CWC27: variants seen among roughly 807,000 people sequenced by gnomAD.
The protein encoded by CWC27 is spliceosome-associated protein CWC27 homolog.
In CWC27, 47 loss-of-function variants were observed where a neutral mutation model predicts 63.6. The ratio of observed to expected loss-of-function variants is 0.74; its 90% confidence interval spans 0.58 to 0.94. The LOEUF is 0.94. Ranked by LOEUF, CWC27 falls within the 40% of genes least tolerant of loss-of-function variation. The probability of loss-of-function intolerance (pLI) is 0.00; values close to 1 mark genes in which losing one functional copy is unlikely to be tolerated. For synonymous variants in CWC27, 175 were observed against 179.8 expected, an observed-to-expected ratio of 0.97 and a Z score of 0.22; for missense variants, 495 against 554.3, an observed-to-expected ratio of 0.89 and a Z score of 1.07.
chr5:64,800,458 T>G, intron 8 of CWC27, 131 bp downstream of exon 8: 1 of 560,746 alleles, frequency 1.8e-6, no homozygotes, highest in Non-Finnish European at 3.1e-6. Flanking sequence ...AATAAAGCAT[T>G]TTGATAACAG....
At chr5:64,924,313 T>C (rs2095366239) in intron 11 of CWC27, among the ~76,000 whole-genome samples, 2 of 152,246 alleles carry the variant, frequency 1.3e-5, no homozygotes, top group Non-Finnish European at 2.9e-5. Flanking sequence ...GTCTGTACTT[T>C]ATTGATTTCA....
At chr5:64,803,229 A>G in intron 9 of CWC27, among the ~76,000 whole-genome samples, 1 of 152,136 alleles carries the variant, frequency 6.6e-6, no homozygotes, top group East Asian at 1.9e-4. Context: ...CTGCTTCACT[A>G]CGACTCACCA....
Position 64,829,383 on chromosome 5 carries a change from A to T in CWC27, c.938+24997A>T, listed in dbSNP as rs189459906. 2.6e-3 allele frequency among the ~76,000 whole-genome samples: 400 copies of T among 152,248 alleles called. 3 individuals are homozygous for T. The highest frequency in any genetic ancestry group is 9.4e-3 in the African/African-American group (390 of 41,546). On this transcript the variant is annotated intron_variant, in intron 10 of 13. Transcript: ENST00000381070. Reference sequence around the variant, plus strand: ...TCCCTCCAGAAACAGGCTATAATTGATGTTAATTTTTCCCCAATTTGAAAA... The same window carrying T: ...TCCCTCCAGAAACAGGCTATAATTGTTGTTAATTTTTCCCCAATTTGAAAA...
chr5:64,858,592 T>G (rs1049717135), intron 10 of CWC27, among the ~76,000 whole-genome samples: 1 of 152,030 alleles, frequency 6.6e-6, no homozygotes, highest in Non-Finnish European at 1.5e-5. Flanking sequence ...GACAATGTTT[T>G]AAGTGAACAA....
chr5:65,005,653 A>G (rs1749828741), intron 13 of CWC27, among the ~76,000 whole-genome samples: 1 of 152,164 alleles, frequency 6.6e-6, no homozygotes, highest in Non-Finnish European at 1.5e-5. Context: ...TCCCTGGACA[A>G]CACACACTAG....
chr5:64,959,581 T>TA (rs1748864485), intron 11 of CWC27, among the ~76,000 whole-genome samples: 1 of 152,150 alleles, frequency 6.6e-6, no homozygotes, highest in South Asian at 2.1e-4. Flanking sequence ...GTAACTGCCT[T>TA]AAAGCTGACT....
At chr5:64,883,034 A>G (rs1437320861) in intron 10 of CWC27, among the ~76,000 whole-genome samples, 3 of 152,222 alleles carry the variant, frequency 2.0e-5, no homozygotes, top group African/African-American at 7.2e-5. Context: ...ACAGTTCTGC[A>G]TGACTGGGGA....
intron 10 of CWC27, among the ~76,000 whole-genome samples, chr5:64,825,554 T>C (rs1203952006): frequency 6.6e-6 from 1 of 152,212 alleles, no homozygotes; most frequent in Non-Finnish European, 1.5e-5. Flanking sequence ...CCTTCTGCTC[T>C]TCCCCTTTTT....
At chr5:64,945,312 C>T (rs74566184) in intron 11 of CWC27, among the ~76,000 whole-genome samples, 11,001 of 152,078 alleles carry the variant, frequency 0.072, 1,011 homozygotes, top group African/African-American at 0.21. Flanking sequence ...AATTTTTGTC[C>T]GTTTTCTTTA....
chr5:64,894,396 A>G (rs1411858561), intron 11 of CWC27, among the ~76,000 whole-genome samples: 1 of 152,186 alleles, frequency 6.6e-6, no homozygotes, highest in Non-Finnish European at 1.5e-5. Context: ...TGTAGTCTAT[A>G]TAAAGTTTTA....
intron 13 of CWC27, among the ~76,000 whole-genome samples, chr5:65,008,995 A>G (rs568993703): frequency 1.9e-4 from 26 of 136,696 alleles, no homozygotes; most frequent in Admixed American, 1.6e-3. Flanking sequence ...ATGCTGGGTA[A>G]TTTATTTAAA....
intron 13 of CWC27, among the ~76,000 whole-genome samples, chr5:64,978,941 C>T (rs976683281): frequency 6.6e-6 from 1 of 152,154 alleles, no homozygotes; most frequent in African/African-American, 2.4e-5. Context: ...CCACAGGATT[C>T]AAATTTACTT....
At chr5:64,948,668 G>A (rs1341790374) in intron 11 of CWC27, among the ~76,000 whole-genome samples, 2 of 151,966 alleles carry the variant, frequency 1.3e-5, no homozygotes, top group Admixed American at 1.3e-4. Flanking sequence ...GTCAAACAGT[G>A]TTAATAATTA....
At chr5:64,778,248 G>A (rs1446197212) in intron 2 of CWC27, among the ~76,000 whole-genome samples, 1 of 151,868 alleles carries the variant, frequency 6.6e-6, no homozygotes, top group Non-Finnish European at 1.5e-5. Context: ...GATAGTAGTT[G>A]CTTGCTTGCA....
intron 11 of CWC27, among the ~76,000 whole-genome samples, chr5:64,960,810 G>A (rs1008060629): frequency 1.3e-4 from 20 of 151,576 alleles, no homozygotes; most frequent in Middle Eastern, 3.5e-3. Flanking sequence ...AGATTGTCTC[G>A]CTATGTTGTT....
In CWC27 at chr5:64,786,703, T is replaced by G. The variant is rs1472399841; in HGVS notation, c.599+76T>G. ...ATTTAGTTTACTATATTTCCTTTTA[T>G]AGTAATTGTTTACTAGCAAAGGAGA... On this transcript the variant is annotated intron_variant, in intron 6 of 13. Coordinates refer to ENST00000381070, the MANE Select transcript of CWC27 (RefSeq NM_005869.4). 45 of 871,156 alleles carry G rather than the reference T, an allele frequency of 5.2e-5. No individual in the cohort carries two copies. The Middle Eastern group carries it at 9.7e-4, about 19-fold the overall frequency. 54.0% of individuals were successfully genotyped at this position (871,156 alleles called of 1,614,324 possible). A position where few individuals can be genotyped will look rare whatever the true frequency, so the allele number is the denominator to read the frequency against.
At chr5:64,911,295 G>A (rs1747781103) in intron 11 of CWC27, among the ~76,000 whole-genome samples, 1 of 152,152 alleles carries the variant, frequency 6.6e-6, no homozygotes, top group Non-Finnish European at 1.5e-5. Flanking sequence ...TGTAGTCACA[G>A]AGTAAAATAT....
chr5:64,849,672 G>A (rs949558277), intron 10 of CWC27, among the ~76,000 whole-genome samples: 2 of 150,414 alleles, frequency 1.3e-5, no homozygotes, highest in African/African-American at 4.9e-5. Flanking sequence ...GTCTCAAATT[G>A]TAATTCCCCC....
chr5:64,805,441 G>A (rs1744635463), intron 10 of CWC27, among the ~76,000 whole-genome samples: 1 of 151,274 alleles, frequency 6.6e-6, no homozygotes, highest in East Asian at 1.9e-4. Flanking sequence ...TAGATTCATA[G>A]AGTTGAAAAA....
Sources: gnomAD v4.1 joint callset for allele counts (sites outside exome capture counted in the v4.1 genomes callset) on GRCh38, gnomAD v4.1.1 for gene constraint, MANE v1.5 for transcripts, NCBI Gene and HGNC (gene_info 2026-07-23, HGNC 2026-07-21) for gene names.